AUTS2: variants seen among roughly 807,000 people sequenced by gnomAD.
The protein encoded by AUTS2 is activator of transcription and developmental regulator AUTS2, also known as autism susceptibility gene 2 protein.
AUTS2 carries 17 observed loss-of-function variants against 112.4 expected under a neutral mutation model. That is an observed-to-expected ratio of 0.15 (90% CI 0.10 to 0.23). The LOEUF is 0.23. Among genes scored for constraint, AUTS2 ranks in the 10% least tolerant of loss-of-function variants. The probability of loss-of-function intolerance (pLI) is 1.00; values close to 1 mark genes in which losing one functional copy is unlikely to be tolerated. For synonymous variants in AUTS2, 751 were observed against 702.7 expected, an observed-to-expected ratio of 1.07 and a Z score of -1.09; for missense variants, 1,510 against 1,701.6, an observed-to-expected ratio of 0.89 and a Z score of 1.98.
At chr7:70,177,430 G>A (rs1524520) in intron 4 of AUTS2, among the ~76,000 whole-genome samples, 2,370 of 152,302 alleles carry the variant, frequency 0.016, 21 homozygotes, top group Middle Eastern at 0.031. Flanking sequence ...GAATGTGTGC[G>A]TGGTGGTTAT....
intron 1 of AUTS2, among the ~76,000 whole-genome samples, chr7:69,631,522 G>A (rs768020143): frequency 2.0e-5 from 3 of 152,194 alleles, no homozygotes; most frequent in African/African-American, 7.2e-5. Context: ...GGTGGTTAGC[G>A]TGATGGAGGA....
At chr7:70,712,193 C>CTTTTTTTTTTT (rs67326941) in intron 6 of AUTS2, among the ~76,000 whole-genome samples, 2 of 45,084 alleles carry the variant, frequency 4.4e-5, no homozygotes, top group African/African-American at 2.0e-4. Flanking sequence ...GCCTGGCTCA[C>CTTTTTTTTTTT]TTTTTTTTTT....
chr7:70,529,099 A>G (rs1442484889), intron 5 of AUTS2, among the ~76,000 whole-genome samples: 1 of 152,194 alleles, frequency 6.6e-6, no homozygotes, highest in Admixed American at 6.5e-5. Flanking sequence ...CCCCACCACC[A>G]CAAACACATG....
At chr7:69,918,794 G>A (rs531357327) in intron 2 of AUTS2, among the ~76,000 whole-genome samples, 4 of 152,282 alleles carry the variant, frequency 2.6e-5, no homozygotes, top group South Asian at 2.1e-4. Flanking sequence ...AGGAAACAGC[G>A]CTTAGAGCTG....
At chr7:69,901,824 A>G (rs928752068) in intron 2 of AUTS2, among the ~76,000 whole-genome samples, 3 of 152,224 alleles carry the variant, frequency 2.0e-5, no homozygotes, top group African/African-American at 7.2e-5. Context: ...TATTCTTAGA[A>G]TCACTTGTGC....
intron 14 of AUTS2, among the ~76,000 whole-genome samples, chr7:70,779,816 G>A (rs1269178422): frequency 5.3e-5 from 8 of 152,060 alleles, no homozygotes; most frequent in Admixed American, 3.9e-4. Context: ...CTTTGGGATC[G>A]CTTGAGCCCA....
At chr7:69,962,789 A>G (rs1377962370) in intron 2 of AUTS2, among the ~76,000 whole-genome samples, 1 of 152,042 alleles carries the variant, frequency 6.6e-6, no homozygotes, top group South Asian at 2.1e-4. Flanking sequence ...GGAGGGCTGA[A>G]AAAGAGAGAG....
chr7:70,728,859 GCCTGCATTCTTA>G (rs1787189830), intron 6 of AUTS2, among the ~76,000 whole-genome samples: 1 of 152,132 alleles, frequency 6.6e-6, no homozygotes, highest in African/African-American at 2.4e-5. Context: ...TGCCAAGGCA[GCCTGCATTCTTA>G]ACTGATCCAT....
intron 2 of AUTS2, among the ~76,000 whole-genome samples, chr7:69,915,491 G>T (rs1795540554): frequency 6.6e-6 from 1 of 152,128 alleles, no homozygotes; most frequent in Non-Finnish European, 1.5e-5. Flanking sequence ...CTTTCAAACT[G>T]CATGGACCAA....
At chr7:70,687,243 G>C (rs1242965449) in intron 5 of AUTS2, among the ~76,000 whole-genome samples, 2 of 152,172 alleles carry the variant, frequency 1.3e-5, no homozygotes, top group African/African-American at 2.4e-5. Flanking sequence ...AGCAAACCAA[G>C]TCCAGACGGA....
chr7:70,596,446 C>G (rs1327118795), intron 5 of AUTS2: 1 of 152,344 alleles, frequency 6.6e-6, no homozygotes, highest in East Asian at 1.9e-4. Flanking sequence ...CGTGGTACCG[C>G]ACGGCTGCCA....
chr7:70,444,798 C>T (rs548126195), intron 5 of AUTS2, among the ~76,000 whole-genome samples: 17 of 152,158 alleles, frequency 1.1e-4, no homozygotes, highest in Non-Finnish European at 1.3e-4. Context: ...CGGAGACAGC[C>T]GAATGGGGTC....
intron 6 of AUTS2, among the ~76,000 whole-genome samples, chr7:70,741,985 C>T (rs1788141924): frequency 6.6e-6 from 1 of 152,176 alleles, no homozygotes; most frequent in Admixed American, 6.5e-5. Flanking sequence ...TCTCCATTCA[C>T]CTTGTACTTT....
chr7:69,996,946 TAAAAAA>T (rs1161825217), intron 2 of AUTS2, among the ~76,000 whole-genome samples: 1 of 99,034 alleles, frequency 1.0e-5, no homozygotes, highest in Non-Finnish European at 2.0e-5. Context: ...CTGGAACACT[TAAAAAA>T]AAAAAAAAAA....
intron 5 of AUTS2, among the ~76,000 whole-genome samples, chr7:70,583,082 C>T (rs536056823): frequency 6.6e-6 from 1 of 152,212 alleles, no homozygotes; most frequent in Non-Finnish European, 1.5e-5. Flanking sequence ...TATAAACCAG[C>T]TCGCTCAGAC....
intron 4 of AUTS2, among the ~76,000 whole-genome samples, chr7:70,277,043 T>A (rs1214026679): frequency 6.6e-6 from 1 of 152,150 alleles, no homozygotes; most frequent in Non-Finnish European, 1.5e-5. Flanking sequence ...GAAATATACA[T>A]GGTTTTGTAA....
intron 5 of AUTS2, among the ~76,000 whole-genome samples, chr7:70,586,737 C>T (rs1443673495): frequency 6.6e-6 from 1 of 152,174 alleles, no homozygotes; most frequent in Non-Finnish European, 1.5e-5. Flanking sequence ...TCCGGAGACC[C>T]TGCTGTTCAA....
In AUTS2 at chr7:69,716,244, CTGTG is replaced by C. The variant is rs146299119; in HGVS notation, c.309+116296_309+116299del. Among the ~76,000 whole-genome samples, 445 of 149,570 alleles carry C rather than the reference CTGTG, an allele frequency of 3.0e-3. 5 individuals are homozygous for C. The highest frequency in any genetic ancestry group is 0.011 in the African/African-American group (431 of 40,862). Reference sequence around the variant, plus strand: ...TGTGTGTGTGTTTGTGTGTGTGTGTCTGTGTGTGTGTGTGTGTATAAGTTCAGCT... The same window carrying C: ...TGTGTGTGTGTTTGTGTGTGTGTGTCTGTGTGTGTGTGTATAAGTTCAGCT... On this transcript the variant is annotated intron_variant, in intron 1 of 18. Transcript: ENST00000342771.
At chr7:70,666,221 T>C (rs1164723318) in intron 5 of AUTS2, among the ~76,000 whole-genome samples, 1 of 152,230 alleles carries the variant, frequency 6.6e-6, no homozygotes, top group Non-Finnish European at 1.5e-5. Flanking sequence ...ATGGGAATAA[T>C]GATAATGGCA....
Sources: gnomAD v4.1 joint callset for allele counts (sites outside exome capture counted in the v4.1 genomes callset) on GRCh38, gnomAD v4.1.1 for gene constraint, MANE v1.5 for transcripts, NCBI Gene and HGNC (gene_info 2026-07-23, HGNC 2026-07-21) for gene names.